Variants in PRDM16 observed in about 807,000 individuals in gnomAD.
PRDM16 encodes histone-lysine N-methyltransferase PRDM16.
A neutral mutation model predicts 110.6 loss-of-function variants in PRDM16; 23 were observed. The ratio of observed to expected loss-of-function variants is 0.21; its 90% CI spans 0.15 to 0.29. PRDM16 has a LOEUF of 0.29. Ranked by LOEUF, PRDM16 falls within the 10% of genes least tolerant of loss-of-function variation. The probability of loss-of-function intolerance (pLI) is 1.00; values close to 1 mark genes in which losing one functional copy is unlikely to be tolerated. For synonymous variants in PRDM16, 799 were observed against 781.8 expected (o/e 1.02, Z -0.37); for missense variants, 1,615 against 1,794.3 (o/e 0.90, Z 1.81).
chr1:3,405,795 C>A, intron 8 of PRDM16, 147 bp downstream of exon 8: 1 of 764,640 alleles, frequency 1.3e-6, no homozygotes, highest in Non-Finnish European at 2.0e-6. Context: ...TCTGACATCT[C>A]TGCCGCGTGC....
At chr1:3,132,390 C>T (rs932578043) in intron 1 of PRDM16, among the ~76,000 whole-genome samples, 23 of 152,322 alleles carry the variant, frequency 1.5e-4, no homozygotes, top group African/African-American at 5.5e-4. Flanking sequence ...CAGAGCACTA[C>T]CTTGGGCCCT....
chr1:3,385,116 G>A, intron 3 of PRDM16, 36 bp from the exon 4 acceptor site: 1 of 1,612,110 alleles, frequency 6.2e-7, no homozygotes, highest in Non-Finnish European at 8.5e-7. Context: ...AGCACACAGG[G>A]CACCTCTGAC....
chr1:3,092,403 C>G (rs532683336), intron 1 of PRDM16, among the ~76,000 whole-genome samples: 8 of 152,202 alleles, frequency 5.3e-5, no homozygotes, highest in Non-Finnish European at 5.9e-5. Flanking sequence ...TCACACGTGC[C>G]CATACCCTGC....
intron 2 of PRDM16, among the ~76,000 whole-genome samples, chr1:3,224,533 C>G (rs1344346200): frequency 6.6e-6 from 1 of 152,232 alleles, no homozygotes; most frequent in East Asian, 1.9e-4. Context: ...CTCTCTCCCT[C>G]TCCCCTTCCA....
At chr1:3,184,108 C>T (rs1050356278) in intron 1 of PRDM16, among the ~76,000 whole-genome samples, 1 of 152,062 alleles carries the variant, frequency 6.6e-6, no homozygotes, top group African/African-American at 2.4e-5. Context: ...ACAGCAGCGG[C>T]AGTTCTGTGG....
intron 4 of PRDM16, among the ~76,000 whole-genome samples, chr1:3,393,344 G>A (rs1488393377): frequency 6.6e-6 from 1 of 152,250 alleles, no homozygotes; most frequent in Non-Finnish European, 1.5e-5. Flanking sequence ...GGGGCTAAAG[G>A]CTATCAGAGA....
chr1:3,400,334 G>A (rs757434051), intron 5 of PRDM16, among the ~76,000 whole-genome samples: 19 of 152,206 alleles, frequency 1.2e-4, no homozygotes, highest in Non-Finnish European at 2.2e-4. Flanking sequence ...GACCTGCCAC[G>A]TGGGGCTCCC....
chr1:3,108,357 C>A (rs944962380), intron 1 of PRDM16, among the ~76,000 whole-genome samples: 1 of 152,194 alleles, frequency 6.6e-6, no homozygotes, highest in African/African-American at 2.4e-5. Context: ...TTCTTTCATG[C>A]AGCTGGTGGG....
At chr1:3,260,916 A>G (rs3002685) in intron 3 of PRDM16, among the ~76,000 whole-genome samples, 36,428 of 149,378 alleles carry the variant, frequency 0.24, 5,396 homozygotes, top group African/African-American at 0.39. Context: ...TCAAGGGACC[A>G]GAAGACCCCA....
intron 2 of PRDM16, among the ~76,000 whole-genome samples, chr1:3,211,317 G>GA (rs1190177831): frequency 3.3e-5 from 5 of 152,184 alleles, no homozygotes; most frequent in Non-Finnish European, 7.3e-5. Flanking sequence ...TAGACCGATT[G>GA]AAAATAAGTG....
chr1:3,205,297 G>A (rs1170379003), intron 2 of PRDM16, among the ~76,000 whole-genome samples: 1 of 152,144 alleles, frequency 6.6e-6, no homozygotes, highest in Non-Finnish European at 1.5e-5. Flanking sequence ...AAGTTCACCA[G>A]AGCACCCACC....
intron 3 of PRDM16, among the ~76,000 whole-genome samples, chr1:3,267,543 G>T (rs541889578): frequency 1.3e-5 from 2 of 152,138 alleles, no homozygotes; most frequent in African/African-American, 4.8e-5. Flanking sequence ...TCACAATAAC[G>T]CTATGTCTCA....
intron 3 of PRDM16, among the ~76,000 whole-genome samples, chr1:3,326,726 C>A (rs1488905944): frequency 6.6e-6 from 1 of 152,246 alleles, no homozygotes; most frequent in Non-Finnish European, 1.5e-5. Context: ...CAGGCAGTGG[C>A]TTTCAGGCCT....
chr1:3,341,103 T>TC (rs1470884284), intron 3 of PRDM16, among the ~76,000 whole-genome samples: 1 of 151,892 alleles, frequency 6.6e-6, no homozygotes. Context: ...CCCTCGTTTC[T>TC]CCCCCTCTGA....
chr1:3,187,507 C>G (rs540747468), intron 2 of PRDM16, among the ~76,000 whole-genome samples: 1 of 152,318 alleles, frequency 6.6e-6, no homozygotes, highest in South Asian at 2.1e-4. Flanking sequence ...CCAGCCAGGT[C>G]CATGCTCACT....
At position 3,433,757 on chromosome 1, in the gene PRDM16, G is replaced by C. The variant is rs779012456; in HGVS notation, c.3777G>C (p.Lys1259Asn). ...AGGGTTCTCTGGACGCTTGGTTGAA[G>C]GTCACTGGAGCCACGTCGGAGTCTG... ...PSQGSLDAWL[K>N]VTGATSESGA... Residue 1259 changes from lysine to asparagine, a missense_variant, in exon 17 of 17, where the codon AAG becomes AAC. By Grantham distance (94) the Lys-to-Asn change is moderately conservative. This residue lies in a region of PRDM16 where 327 missense variants were observed against 359.3 expected (regional missense o/e 0.91). Transcript: ENST00000270722. 1 of 1,613,978 alleles carries C rather than the reference G, an allele frequency of 6.2e-7. No homozygotes were observed. The highest frequency in any genetic ancestry group is 1.1e-5 in the South Asian group (1 of 91,090).
At chr1:3,114,519 AAC>A (rs923399628) in intron 1 of PRDM16, among the ~76,000 whole-genome samples, 7 of 149,054 alleles carry the variant, frequency 4.7e-5, no homozygotes, top group South Asian at 4.3e-4. Context: ...CACACACATG[AAC>A]ACACGCACAC....
intron 3 of PRDM16, among the ~76,000 whole-genome samples, chr1:3,262,361 G>A (rs1434051722): frequency 6.6e-6 from 1 of 152,242 alleles, no homozygotes; most frequent in African/African-American, 2.4e-5. Flanking sequence ...CCACACTTGT[G>A]AGTCACCAGG....
At chr1:3,119,217 C>T (rs1643036776) in intron 1 of PRDM16, among the ~76,000 whole-genome samples, 1 of 152,242 alleles carries the variant, frequency 6.6e-6, no homozygotes, top group Admixed American at 6.5e-5. Context: ...CAGGAGCACC[C>T]CACCCCGGCG....
Sources: allele counts gnomAD v4.1 joint callset (sites outside exome capture counted in the v4.1 genomes callset), GRCh38; gene constraint gnomAD v4.1.1; regional missense constraint gnomAD v4.1.1; transcripts MANE v1.5; gene names NCBI Gene and HGNC (gene_info 2026-07-23, HGNC 2026-07-21).